ARHGAP21: variants seen among roughly 807,000 people sequenced by gnomAD.
ARHGAP21 encodes the protein rho GTPase-activating protein 21.
A neutral mutation model predicts 164.6 loss-of-function variants in ARHGAP21; 38 were observed. That is an observed-to-expected ratio of 0.23 (90% CI 0.18 to 0.30). ARHGAP21 has a LOEUF of 0.30. ARHGAP21 is among the 10% of genes least tolerant of loss of function. The probability of loss-of-function intolerance (pLI) is 1.00; values close to 1 mark genes in which losing one functional copy is unlikely to be tolerated. For missense variants in ARHGAP21, 1,822 were observed against 2,370.7 expected, an observed-to-expected ratio of 0.77 and a Z score of 4.81; for synonymous variants, 766 against 857.9, an observed-to-expected ratio of 0.89 and a Z score of 1.87.
At chr10:24,645,293 A>C (rs1485944076) in intron 4 of ARHGAP21, among the ~76,000 whole-genome samples, 2 of 152,226 alleles carry the variant, frequency 1.3e-5, no homozygotes, top group Non-Finnish European at 2.9e-5. Flanking sequence ...GACTTCAAAA[A>C]GTTCCAGCCA....
chr10:24,616,113 C>T (rs183942972), intron 9 of ARHGAP21, among the ~76,000 whole-genome samples: 1 of 152,180 alleles, frequency 6.6e-6, no homozygotes, highest in East Asian at 1.9e-4. Context: ...CACATCGTTA[C>T]TCAAATAGTG....
At chr10:24,628,916 CACAT>C (rs1835470403) in intron 7 of ARHGAP21, 6 of 99,614 alleles carry the variant, frequency 6.0e-5, no homozygotes, top group Non-Finnish European at 9.4e-5. Context: ...CACATATATA[CACAT>C]ATATATACAT....
intron 4 of ARHGAP21, among the ~76,000 whole-genome samples, chr10:24,646,276 TG>T (rs1404345571): frequency 6.6e-6 from 1 of 151,790 alleles, no homozygotes; most frequent in East Asian, 1.9e-4. Flanking sequence ...GGAAAGAAAA[TG>T]GGACTACTCA....
chr10:24,612,598 T>A (rs889600125), intron 9 of ARHGAP21, among the ~76,000 whole-genome samples: 8 of 152,200 alleles, frequency 5.3e-5, no homozygotes, highest in African/African-American at 1.9e-4. Flanking sequence ...CTCACGCCTG[T>A]AATCCCAGCA....
intron 14 of ARHGAP21, among the ~76,000 whole-genome samples, chr10:24,599,751 T>TATC (rs1316686742): frequency 6.6e-6 from 1 of 152,222 alleles, no homozygotes; most frequent in African/African-American, 2.4e-5. Flanking sequence ...CTTTAAAAAC[T>TATC]ATCTTTACTA....
In ARHGAP21 at chr10:24,605,191, G is replaced by A. The variant is rs138069470; in HGVS notation, c.2685-843C>T. 1.5e-3 allele frequency among the ~76,000 whole-genome samples: 227 copies of A among 152,228 alleles called. 4 individuals are homozygous for A. In the East Asian group the frequency reaches 0.037, roughly 25 times the overall value. ...CTGCAGTGAAGTAAACAATGGATAC[G>A]GGAAGAAAGAACAGGGCACCGATCA... On this transcript the variant is annotated intron_variant, in intron 11 of 25. Transcript: ENST00000396432.
chr10:24,598,066 C>T, intron 14 of ARHGAP21, 57 bp from the exon 15 acceptor site: 2 of 1,407,788 alleles, frequency 1.4e-6, no homozygotes, highest in Non-Finnish European at 2.0e-6. Context: ...GTGATCCTTA[C>T]TTTTTTGAGG....
intron 2 of ARHGAP21, among the ~76,000 whole-genome samples, chr10:24,708,216 G>C (rs1844427747): frequency 6.6e-6 from 1 of 152,258 alleles, no homozygotes; most frequent in African/African-American, 2.4e-5. Context: ...TGGCTGGTTT[G>C]TCGGCCTCTG....
intron 4 of ARHGAP21, among the ~76,000 whole-genome samples, chr10:24,641,006 G>T (rs906306091): frequency 6.6e-6 from 1 of 152,110 alleles, no homozygotes; most frequent in Non-Finnish European, 1.5e-5. Flanking sequence ...AGGTTATGAG[G>T]GGGTGGAGGT....
intron 15 of ARHGAP21, 36 bp from the exon 16 acceptor site, chr10:24,597,619 T>C (rs1279533724): frequency 1.2e-6 from 2 of 1,610,994 alleles, no homozygotes; most frequent in African/African-American, 2.7e-5. Context: ...ACAATTACAG[T>C]AATCCCCCTC....
At chr10:24,654,870 T>C (rs1041909957) in intron 4 of ARHGAP21, among the ~76,000 whole-genome samples, 4 of 152,122 alleles carry the variant, frequency 2.6e-5, no homozygotes, top group African/African-American at 4.8e-5. Flanking sequence ...CTTCAAACTA[T>C]ACTACAAGGC....
rs372230723 is a variant in ARHGAP21 at position 24,692,322 on chromosome 10, G to A, written c.64-21925C>T. On this transcript the variant is annotated intron_variant, in intron 2 of 25. Coordinates refer to ENST00000396432, the MANE Select transcript of ARHGAP21 (RefSeq NM_020824.4). ...ATCATATGATACCTATAGGCATGGAGTCGATGAAAACATCCATGGAAAGTA... is the reference window on the plus strand; with the variant it reads ...ATCATATGATACCTATAGGCATGGAATCGATGAAAACATCCATGGAAAGTA... Among the ~76,000 whole-genome samples the A allele has an allele frequency of 5.2e-4, 79 of 152,278 alleles. No individual in the cohort carries two copies. In the South Asian group the frequency reaches 0.014, roughly 28 times the overall value.
At chr10:24,641,417 T>G (rs776738161) in intron 4 of ARHGAP21, among the ~76,000 whole-genome samples, 2 of 152,154 alleles carry the variant, frequency 1.3e-5, no homozygotes, top group Non-Finnish European at 2.9e-5. Context: ...CACTTTAAAA[T>G]TATATCTCCA....
chr10:24,651,522 G>A (rs1193148655), intron 4 of ARHGAP21, among the ~76,000 whole-genome samples: 1 of 152,126 alleles, frequency 6.6e-6, no homozygotes, highest in Non-Finnish European at 1.5e-5. Context: ...CCAATTATCA[G>A]ATCAAGGCCT....
intron 21 of ARHGAP21, 144 bp from the exon 22 acceptor site, chr10:24,592,156 ATTTTT>A (rs57846258): frequency 5.0e-3 from 1,055 of 213,046 alleles, no homozygotes; most frequent in East Asian, 8.3e-3. Context: ...TTCTAGCAAG[ATTTTT>A]TTTTTTTTTT....
At chr10:24,635,200 T>G in intron 4 of ARHGAP21, 97 bp from the exon 5 acceptor site, 1 of 711,186 alleles carries the variant, frequency 1.4e-6, no homozygotes, top group Non-Finnish European at 2.2e-6. Flanking sequence ...GCAAAGCTTT[T>G]TAATGAAATA....
chr10:24,678,324 T>C (rs1164482326), intron 2 of ARHGAP21, among the ~76,000 whole-genome samples: 1 of 152,164 alleles, frequency 6.6e-6, no homozygotes, highest in Non-Finnish European at 1.5e-5. Flanking sequence ...TATGTAAGTG[T>C]ATATACCCAC....
In ARHGAP21 at chr10:24,595,829, T is replaced by C. The variant is rs766508788; in HGVS notation, c.3634-34A>G. On this transcript the variant is annotated intron_variant, in intron 18 of 25. Coordinates refer to ENST00000396432, the MANE Select transcript of ARHGAP21 (RefSeq NM_020824.4). The stretch of plus-strand genomic sequence containing the variant: ...ACAAAATAGAAATATAGTATTTTCA[T>C]ATCCAGTTCCACCAAAGGGGGAAAA... The C allele has an allele frequency of 2.5e-6, 4 of 1,605,586 alleles. No individual in the cohort carries two copies. In the Admixed American group the frequency reaches 5.1e-5, roughly 20 times the overall value.
At chr10:24,588,048 TG>T (rs1489817203) in intron 25 of ARHGAP21, among the ~76,000 whole-genome samples, 1 of 152,168 alleles carries the variant, frequency 6.6e-6, no homozygotes, top group East Asian at 1.9e-4. Context: ...TTAAGGAAAC[TG>T]TTCTAGATTA....
Sources: allele counts gnomAD v4.1 joint callset (sites outside exome capture counted in the v4.1 genomes callset), GRCh38; gene constraint gnomAD v4.1.1; transcripts MANE v1.5; gene names NCBI Gene and HGNC (gene_info 2026-07-23, HGNC 2026-07-21).